TLL2: variants seen among roughly 807,000 people sequenced by gnomAD.
TLL2 encodes the protein tolloid-like protein 2.
In TLL2, 106 loss-of-function variants were observed where a neutral mutation model predicts 123.0. The observed-to-expected ratio is 0.86, with a 90% CI of 0.74 to 1.01. TLL2 has a LOEUF of 1.01. Ranked by LOEUF, TLL2 falls within the 50% of genes least tolerant of loss-of-function variation. TLL2 has a pLI of 0.00. For synonymous variants in TLL2, 494 were observed against 516.8 expected, an observed-to-expected ratio of 0.96 and a Z score of 0.60; for missense variants, 1,332 against 1,336.7, an observed-to-expected ratio of 1.00 and a Z score of 0.06.
At chr10:96,381,672 A>G (rs1204346447) in intron 16 of TLL2, among the ~76,000 whole-genome samples, 2 of 152,006 alleles carry the variant, frequency 1.3e-5, no homozygotes. Flanking sequence ...GCACCAGCCC[A>G]CCCCACAGTG....
At chr10:96,408,166 T>C (rs1354518378) in intron 9 of TLL2, among the ~76,000 whole-genome samples, 1 of 152,236 alleles carries the variant, frequency 6.6e-6, no homozygotes, top group Admixed American at 6.5e-5. Flanking sequence ...TGCACAATAA[T>C]TCTTTAGCCT....
chr10:96,504,986 C>T (rs1296247198), intron 1 of TLL2, among the ~76,000 whole-genome samples: 2 of 151,888 alleles, frequency 1.3e-5, no homozygotes, highest in East Asian at 3.9e-4. Flanking sequence ...CCAGCCTGGG[C>T]GACAGAGCGA....
At chr10:96,501,403 T>C (rs982493438) in intron 1 of TLL2, among the ~76,000 whole-genome samples, 5 of 152,208 alleles carry the variant, frequency 3.3e-5, no homozygotes, top group African/African-American at 1.2e-4. Context: ...GGCCATAGCC[T>C]GCATCCTCAT....
intron 2 of TLL2, among the ~76,000 whole-genome samples, chr10:96,467,972 A>G (rs1847145502): frequency 6.6e-6 from 1 of 152,046 alleles, no homozygotes; most frequent in Non-Finnish European, 1.5e-5. Context: ...AACTCAAAGT[A>G]TTTTCCCATG....
chr10:96,410,359 C>T lies in TLL2; in HGVS notation c.1164G>A (p.Lys388=). The part of the protein sequence containing the change: ...VWRISVTPGE[K]IVLNFTSMDL... ...TTTGCCAAGGGGGCTTCCCACCTAC[C>T]TTTTCCCCTGGGGTGACCGAGATCC... Residue 388 remains lysine, a splice_region_variant and synonymous_variant, in exon 9 of 21, where the codon AAG becomes AAA. Coordinates refer to ENST00000357947, the MANE Select transcript of TLL2 (RefSeq NM_012465.4). 1.2e-6 allele frequency: 2 copies of T among 1,612,366 alleles called. No homozygotes were observed. Among genetic ancestry groups the T allele is most frequent in the Non-Finnish European group, 1.7e-6 (2 of 1,179,588 alleles).
At chr10:96,492,829 A>G (rs879429409) in intron 1 of TLL2, among the ~76,000 whole-genome samples, 6 of 152,090 alleles carry the variant, frequency 3.9e-5, no homozygotes, top group Non-Finnish European at 7.4e-5. Flanking sequence ...ATCTCCTTTC[A>G]CTGGGTCTCC....
rs1846009754 is a variant in TLL2 at position 96,364,987 on chromosome 10, A to G, written c.*3101T>C. 6.6e-6 allele frequency: 1 copy of G among 152,244 alleles called. No homozygotes were observed. Among genetic ancestry groups the G allele is most frequent in the African/African-American group, 2.4e-5 (1 of 41,456 alleles). The allele number at this position is 152,244 out of a possible 1,614,324, so 9.4% of individuals were successfully genotyped here. A position where few individuals can be genotyped will look rare whatever the true frequency, so the allele number is the denominator to read the frequency against. ...TACAAATTATTTAAATCAGCTGAGC[A>G]ATTCATGAGTGATATGAAACTTTAC... On this transcript the variant is annotated 3_prime_UTR_variant, in exon 21 of 21. Transcript: ENST00000357947.
intron 10 of TLL2, among the ~76,000 whole-genome samples, chr10:96,398,423 C>T (rs1346122458): frequency 2.0e-5 from 3 of 152,200 alleles, no homozygotes; most frequent in East Asian, 1.9e-4. Flanking sequence ...CCAACCAGGA[C>T]ATACAAATTG....
At chr10:96,401,607 TCAC>T (rs1846396731) in intron 10 of TLL2, among the ~76,000 whole-genome samples, 2 of 146,782 alleles carry the variant, frequency 1.4e-5, no homozygotes, top group East Asian at 4.0e-4. Context: ...ACAAAAACCA[TCAC>T]CACCACCAAC....
intron 2 of TLL2, among the ~76,000 whole-genome samples, chr10:96,480,105 G>A (rs572264265): frequency 2.6e-5 from 4 of 152,278 alleles, no homozygotes; most frequent in South Asian, 2.1e-4. Context: ...AACAAATGCC[G>A]AGCTCCAGCC....
At chr10:96,393,995 A>T (rs528481302) in intron 13 of TLL2, among the ~76,000 whole-genome samples, 1 of 152,226 alleles carries the variant, frequency 6.6e-6, no homozygotes, top group South Asian at 2.1e-4. Flanking sequence ...AGAGAGGAAA[A>T]CTGAAGCTTC....
At chr10:96,396,187 T>C (rs1846338198) in intron 11 of TLL2, among the ~76,000 whole-genome samples, 167 bp from the exon 12 acceptor site, 1 of 152,116 alleles carries the variant, frequency 6.6e-6, no homozygotes. Context: ...AAAGGCACGA[T>C]TGCATTTGTC....
At chr10:96,416,504 T>G (rs1846563317) in intron 7 of TLL2, among the ~76,000 whole-genome samples, 1 of 152,180 alleles carries the variant, frequency 6.6e-6, no homozygotes, top group African/African-American at 2.4e-5. Context: ...TTAAGTGACT[T>G]TCCCAGGGCA....
intron 5 of TLL2, among the ~76,000 whole-genome samples, chr10:96,425,075 C>G (rs1263400961): frequency 1.3e-5 from 2 of 151,094 alleles, no homozygotes; most frequent in Admixed American, 6.6e-5. Flanking sequence ...ACTAATTGAT[C>G]TTTCTCCCAC....
intron 1 of TLL2, among the ~76,000 whole-genome samples, chr10:96,497,729 A>G (rs867613019): frequency 6.6e-6 from 1 of 152,168 alleles, no homozygotes; most frequent in Non-Finnish European, 1.5e-5. Context: ...TTAACCCTGC[A>G]TCTCTAATTG....
chr10:96,400,469 T>G (rs1459119844), intron 10 of TLL2, among the ~76,000 whole-genome samples: 2 of 152,014 alleles, frequency 1.3e-5, no homozygotes, highest in African/African-American at 4.8e-5. Flanking sequence ...AATGTAGATG[T>G]CATCCCCATT....
chr10:96,450,383 G>A (rs929930860), intron 2 of TLL2, among the ~76,000 whole-genome samples: 1 of 152,202 alleles, frequency 6.6e-6, no homozygotes, highest in Non-Finnish European at 1.5e-5. Context: ...AAATACTGGC[G>A]TCTGGGTCCC....
chr10:96,458,146 C>G (rs990738734), intron 2 of TLL2, among the ~76,000 whole-genome samples: 1 of 151,980 alleles, frequency 6.6e-6, no homozygotes, highest in Non-Finnish European at 1.5e-5. Context: ...AGGCAGGAAA[C>G]CATGATGTTC....
chr10:96,476,240 A>ATTCTTTTTT (rs1554939626), intron 2 of TLL2, among the ~76,000 whole-genome samples: 2 of 20,500 alleles, frequency 9.8e-5, no homozygotes, highest in South Asian at 3.5e-3. Context: ...ATATATATAT[A>ATTCTTTTTT]TTTTATTTTT....
Sources: gnomAD v4.1 joint callset for allele counts (sites outside exome capture counted in the v4.1 genomes callset) on GRCh38, gnomAD v4.1.1 for gene constraint, MANE v1.5 for transcripts, NCBI Gene and HGNC (gene_info 2026-07-23, HGNC 2026-07-21) for gene names.